Variants in SNX30 observed in about 807,000 individuals in gnomAD.
The protein encoded by SNX30 is sorting nexin family member 30.
In SNX30, 24 loss-of-function variants were observed where a neutral mutation model predicts 46.4. That is an observed-to-expected ratio of 0.52 (90% CI 0.37 to 0.73). SNX30 has a LOEUF of 0.73. Ranked by LOEUF, SNX30 falls within the 30% of genes least tolerant of loss-of-function variation. The probability of loss-of-function intolerance (pLI) is 0.00; values close to 1 mark genes in which losing one functional copy is unlikely to be tolerated. For synonymous variants in SNX30, 189 were observed against 211.5 expected (o/e 0.89, Z 0.92); for missense variants, 533 against 555.7 (o/e 0.96, Z 0.41).
intron 1 of SNX30, among the ~76,000 whole-genome samples, chr9:112,793,492 G>A (rs1840059071): frequency 6.6e-6 from 1 of 152,196 alleles, no homozygotes; most frequent in South Asian, 2.1e-4. Context: ...CAACTCCTTG[G>A]TGGTCCTGGA....
At position 112,817,401 on chromosome 9, in the gene SNX30, C is replaced by CTTTTTTTTTTTTTTTTTTTTT. The variant is rs56856142; in HGVS notation, c.349-294_349-274dup. ...CGGTAGGGAAAAAAAAAAAAACTGG[C>CTTTTTTTTTTTTTTTTTTTTT]TTTTTTTTTTTTTTTTTTTTTTTTT... On this transcript the variant is annotated intron_variant, in intron 2 of 8. Transcript: ENST00000374232. 1.7e-3 allele frequency among the ~76,000 whole-genome samples: 80 copies of CTTTTTTTTTTTTTTTTTTTTT among 46,836 alleles called. 23 individuals carry two copies. Among genetic ancestry groups the CTTTTTTTTTTTTTTTTTTTTT allele is most frequent in the South Asian group, 2.6e-3 (2 of 764 alleles). 30.7% of individuals were successfully genotyped at this position (46,836 alleles called of 152,430 possible).
intron 1 of SNX30, among the ~76,000 whole-genome samples, chr9:112,773,549 T>C (rs1839688186): frequency 6.6e-6 from 1 of 152,146 alleles, no homozygotes; most frequent in Non-Finnish European, 1.5e-5. Context: ...ATAGTAGGAA[T>C]AGGTGCATCT....
chr9:112,842,956 A>C (rs1038631375), intron 6 of SNX30, among the ~76,000 whole-genome samples: 52 of 132,448 alleles, frequency 3.9e-4, no homozygotes, highest in African/African-American at 6.8e-4. Context: ...GACTCAAGTT[A>C]AATACCTCGC....
At chr9:112,754,142 C>T (rs73546777) in intron 1 of SNX30, among the ~76,000 whole-genome samples, 1,672 of 152,256 alleles carry the variant, frequency 0.011, 27 homozygotes, top group African/African-American at 0.037. Flanking sequence ...GGTTATTATG[C>T]AAAGGGGAAT....
chr9:112,876,192 G>A (rs1010364627), downstream of SNX30, among the ~76,000 whole-genome samples: 2 of 152,210 alleles, frequency 1.3e-5, no homozygotes, highest in Non-Finnish European at 2.9e-5. Flanking sequence ...ATGGCAAGAA[G>A]TGATAAAGGG....
intron 1 of SNX30, among the ~76,000 whole-genome samples, chr9:112,772,710 T>C (rs1476819948): frequency 6.6e-6 from 1 of 152,226 alleles, no homozygotes; most frequent in Non-Finnish European, 1.5e-5. Flanking sequence ...TACATTGCAG[T>C]ATCCCAAGAT....
At chr9:112,885,440 G>GTATATATATATATATATATATATGTGTA (rs10664207), downstream of SNX30, 1 of 147,498 alleles carries the variant, frequency 6.8e-6, no homozygotes, top group Non-Finnish European at 1.5e-5. Context: ...ATATATATGT[G>GTATATATATATATATATATATATGTGTA]TATATATATA....
intron 1 of SNX30, among the ~76,000 whole-genome samples, chr9:112,804,314 A>T (rs2096188): frequency 2.0e-5 from 3 of 151,868 alleles, no homozygotes; most frequent in Non-Finnish European, 4.4e-5. Flanking sequence ...ACAGGCATGC[A>T]CCACCATGTC....
intron 1 of SNX30, among the ~76,000 whole-genome samples, chr9:112,762,018 T>C (rs1839443706): frequency 6.6e-6 from 1 of 152,186 alleles, no homozygotes. Flanking sequence ...GGAAGGCCGG[T>C]GTTCCACGAT....
Position 112,830,714 on chromosome 9 carries a change from T to C in SNX30, c.460-11T>C. 6.2e-7 allele frequency: 1 copy of C among 1,601,200 alleles called. No individual in the cohort carries two copies. Among genetic ancestry groups the C allele is most frequent in the Non-Finnish European group, 8.5e-7 (1 of 1,176,340 alleles). On this transcript the variant is annotated splice_polypyrimidine_tract_variant and intron_variant, in intron 3 of 8. Transcript: ENST00000374232. ...TCAATTACTCTGGTTTTTTTCTTCA[T>C]GTCTTCATAGCCTCTTCCCGAGAAG...
intron 1 of SNX30, among the ~76,000 whole-genome samples, chr9:112,752,331 G>C (rs1839290736): frequency 6.6e-6 from 1 of 152,148 alleles, no homozygotes; most frequent in Non-Finnish European, 1.5e-5. Context: ...AAAAGCTAAT[G>C]GAGGCCAGGT....
At chr9:112,790,881 A>G (rs548554568) in intron 1 of SNX30, among the ~76,000 whole-genome samples, 66 of 152,328 alleles carry the variant, frequency 4.3e-4, no homozygotes, top group African/African-American at 1.6e-3. Flanking sequence ...CATGTGGCAG[A>G]TCACTGTATG....
Position 112,751,091 on chromosome 9 carries a change from G to C in SNX30, c.90G>C (p.Glu30Asp). 1 of 1,515,740 alleles carries C rather than the reference G, an allele frequency of 6.6e-7. No homozygotes were observed. The highest frequency in any genetic ancestry group is 8.8e-7 in the Non-Finnish European group (1 of 1,139,454). The allele number at this position is 1,515,740 out of a possible 1,614,324, so 93.9% of individuals were successfully genotyped here. ...MPHPLAGSSS[E>D]EAVGGDSTPS... Reference sequence around the variant, plus strand: ...ACCCGCTGGCCGGCTCCAGCAGCGAGGAGGCCGTGGGTGGTGACAGCACGC... The same window carrying C: ...ACCCGCTGGCCGGCTCCAGCAGCGACGAGGCCGTGGGTGGTGACAGCACGC... The change falls in exon 1 of 9, where the codon GAG (glutamate) becomes GAC (aspartate). Residue 30 changes from glutamate (E) to aspartate (D), a missense_variant. Glu to Asp is a conservative substitution (Grantham distance 45, BLOSUM62 2). Around this residue, in one of 3 missense-constraint regions of SNX30, gnomAD observed 191 missense variants for 160.3 expected, o/e 1.19. Coordinates refer to ENST00000374232, the MANE Select transcript of SNX30 (RefSeq NM_001012994.2).
At chr9:112,815,290 T>C (rs994412006) in intron 2 of SNX30, among the ~76,000 whole-genome samples, 1 of 151,890 alleles carries the variant, frequency 6.6e-6, no homozygotes, top group Non-Finnish European at 1.5e-5. Context: ...AGAGTAGAAA[T>C]ATTACATAAA....
chr9:112,765,176 C>G (rs1404865636), intron 1 of SNX30, among the ~76,000 whole-genome samples: 2 of 152,070 alleles, frequency 1.3e-5, no homozygotes, highest in Admixed American at 1.3e-4. Context: ...GGAAGAGACT[C>G]TAGGGTCACT....
intron 1 of SNX30, among the ~76,000 whole-genome samples, chr9:112,758,404 G>A (rs1025370601): frequency 6.6e-6 from 1 of 151,782 alleles, no homozygotes; most frequent in Non-Finnish European, 1.5e-5. Flanking sequence ...ATCTTGGCTC[G>A]CTGCAACCTC....
intron 1 of SNX30, among the ~76,000 whole-genome samples, chr9:112,764,118 G>A (rs1839491076): frequency 6.6e-6 from 1 of 152,174 alleles, no homozygotes; most frequent in Admixed American, 6.5e-5. Context: ...TTGGAGGATG[G>A]TGGCTTTTCC....
intron 1 of SNX30, among the ~76,000 whole-genome samples, chr9:112,762,647 G>A (rs1408364808): frequency 1.3e-5 from 2 of 152,246 alleles, no homozygotes; most frequent in Non-Finnish European, 2.9e-5. Context: ...CTGGGGCACA[G>A]TAAAGGCCAC....
intron 2 of SNX30, among the ~76,000 whole-genome samples, chr9:112,814,490 C>T (rs754408431): frequency 6.6e-6 from 1 of 152,166 alleles, no homozygotes; most frequent in Non-Finnish European, 1.5e-5. Flanking sequence ...ATCTGCCTGC[C>T]TCGGCCTCCC....
Sources: gnomAD v4.1 joint callset for allele counts (sites outside exome capture counted in the v4.1 genomes callset) on GRCh38, gnomAD v4.1.1 for gene constraint, gnomAD v4.1.1 regional missense constraint, MANE v1.5 for transcripts, NCBI Gene and HGNC (gene_info 2026-07-23, HGNC 2026-07-21) for gene names.